The following DIPK1A variants were observed in gnomAD, a reference collection of about 807,000 sequenced individuals.
DIPK1A encodes the protein divergent protein kinase domain 1A, also known as family with sequence similarity 69 member A.
Under a neutral mutation model 40.8 loss-of-function variants are expected in DIPK1A, and 27 were observed. The observed-to-expected ratio is 0.66, with a 90% CI of 0.49 to 0.91. The LOEUF (loss-of-function observed/expected upper bound fraction) is 0.91, where lower values mean the gene tolerates loss of function less well. Ranked by LOEUF, DIPK1A falls within the 40% of genes least tolerant of loss-of-function variation. DIPK1A has a pLI of 0.00. For synonymous variants in DIPK1A, 166 were observed against 171.3 expected (o/e 0.97, Z 0.24); for missense variants, 412 against 505.7 (o/e 0.81, Z 1.78).
intron 1 of DIPK1A, 77 bp downstream of exon 1, chr1:92,961,299 G>T (rs1325647871): frequency 8.9e-7 from 1 of 1,119,550 alleles, no homozygotes; most frequent in East Asian, 3.6e-5. Context: ...GGAGGGGAGC[G>T]GGCGAGTCCT....
At chr1:92,956,982 CA>C (rs1317107259) in intron 1 of DIPK1A, among the ~76,000 whole-genome samples, 1 of 152,162 alleles carries the variant, frequency 6.6e-6, no homozygotes, top group Non-Finnish European at 1.5e-5. Context: ...TTTTCATATG[CA>C]ACAGAACACA....
intron 4 of DIPK1A, chr1:92,836,585 C>T: frequency 1.7e-6 from 1 of 599,794 alleles, no homozygotes. Flanking sequence ...AGTCTGAGGC[C>T]CAGAGTTATT....
At chr1:92,851,887 C>A (rs373745624) in intron 2 of DIPK1A, among the ~76,000 whole-genome samples, 1 of 152,170 alleles carries the variant, frequency 6.6e-6, no homozygotes, top group East Asian at 1.9e-4. Flanking sequence ...TTAAGGGGCA[C>A]AAGCTGTGGG....
chr1:92,913,103 G>C (rs993056296), intron 1 of DIPK1A, among the ~76,000 whole-genome samples: 2 of 151,750 alleles, frequency 1.3e-5, no homozygotes, highest in African/African-American at 4.9e-5. Flanking sequence ...GAAAAAAAAA[G>C]ATAACAGAGT....
chr1:92,851,631 T>C (rs561584022), intron 2 of DIPK1A, among the ~76,000 whole-genome samples: 19 of 151,596 alleles, frequency 1.3e-4, no homozygotes, highest in Non-Finnish European at 2.6e-4. Context: ...TTGTCATCCT[T>C]GAGATCACCC....
At chr1:92,841,918 GC>G, downstream of DIPK1A, 1 of 1,354,656 alleles carries the variant, frequency 7.4e-7, no homozygotes, top group Non-Finnish European at 1.0e-6. Context: ...CTTATGAACA[GC>G]AACTATTTCT....
chr1:92,887,079 G>C (rs1359242981), intron 1 of DIPK1A, among the ~76,000 whole-genome samples: 1 of 151,798 alleles, frequency 6.6e-6, no homozygotes, highest in Non-Finnish European at 1.5e-5. Flanking sequence ...CATGTGACTT[G>C]CTTTAGTCAA....
At chr1:92,940,842 C>T (rs1651123716) in intron 1 of DIPK1A, among the ~76,000 whole-genome samples, 1 of 152,172 alleles carries the variant, frequency 6.6e-6, no homozygotes, top group Non-Finnish European at 1.5e-5. Flanking sequence ...TATCTCATCA[C>T]GGTTTTAATG....
rs61508867 is a variant in DIPK1A, at chr1:92,927,364, G to GTTTTT, written c.54+34007_54+34011dup. On this transcript the variant is annotated intron_variant, in intron 1 of 4. Transcript: ENST00000370310. ...TGCATGCCACCATGCCAATTTTGTT[G>GTTTTT]TTTTTTTTTTTTTTTTTTTTTTTGC... Among the ~76,000 whole-genome samples the GTTTTT allele has an allele frequency of 1.6e-3, 163 of 104,654 alleles. 1 individual carries two copies. Among genetic ancestry groups the GTTTTT allele is most frequent in the African/African-American group, 5.0e-3 (136 of 27,462 alleles). The allele number at this position is 104,654 out of a possible 152,430, so 68.7% of individuals were successfully genotyped here.
intron 1 of DIPK1A, among the ~76,000 whole-genome samples, chr1:92,916,213 T>A (rs1028403614): frequency 2.0e-5 from 3 of 152,140 alleles, no homozygotes; most frequent in Non-Finnish European, 4.4e-5. Context: ...TAAAAATTAC[T>A]GAATTGTGTG....
rs546165896 is a variant in DIPK1A at position 92,854,318 on chromosome 1, A to C, written c.190-3363T>G. On this transcript the variant is annotated intron_variant, in intron 2 of 4. Coordinates refer to ENST00000370310, the MANE Select transcript of DIPK1A (RefSeq NM_001006605.5). ...CCTAATATCCATTAAAAGATAAGAA[A>C]ACAGAAACAGAAATATCTGTTATGT... 2.0e-4 allele frequency among the ~76,000 whole-genome samples: 31 copies of C among 152,334 alleles called. 1 individual carries two copies. Among genetic ancestry groups the C allele is most frequent in the African/African-American group, 7.5e-4 (31 of 41,578 alleles).
At chr1:92,876,085 T>TTTATGTG (rs1243268739) in intron 2 of DIPK1A, among the ~76,000 whole-genome samples, 4 of 151,268 alleles carry the variant, frequency 2.6e-5, no homozygotes, top group Admixed American at 2.6e-4. Context: ...CACTAACTTA[T>TTTATGTG]TTATGTGTTA....
chr1:92,957,743 A>G (rs1651908767), intron 1 of DIPK1A, among the ~76,000 whole-genome samples: 1 of 152,240 alleles, frequency 6.6e-6, no homozygotes, highest in South Asian at 2.1e-4. Flanking sequence ...ATATACTAAT[A>G]ATTCACATAT....
At chr1:92,917,401 A>T (rs1446045648) in intron 1 of DIPK1A, among the ~76,000 whole-genome samples, 1 of 152,182 alleles carries the variant, frequency 6.6e-6, no homozygotes, top group African/African-American at 2.4e-5. Flanking sequence ...GTGTACGAGT[A>T]TGTACACATA....
downstream of DIPK1A, chr1:92,840,395 G>T (rs1166974278): frequency 3.1e-6 from 2 of 646,244 alleles, no homozygotes; most frequent in African/African-American, 3.6e-5. Context: ...TTAGGAAAAG[G>T]TGAGTTACAT....
At chr1:92,943,316 C>T (rs183681520) in intron 1 of DIPK1A, among the ~76,000 whole-genome samples, 1 of 152,294 alleles carries the variant, frequency 6.6e-6, no homozygotes, top group African/African-American at 2.4e-5. Context: ...CTCTACCAGG[C>T]AACCTAAAAG....
chr1:92,869,336 T>A (rs1165206892), intron 2 of DIPK1A, among the ~76,000 whole-genome samples: 2 of 151,942 alleles, frequency 1.3e-5, no homozygotes, highest in African/African-American at 4.8e-5. Context: ...AACTTTTTAT[T>A]TTTTGTAGAG....
intron 4 of DIPK1A, chr1:92,833,690 T>C: frequency 1.3e-6 from 2 of 1,555,506 alleles, no homozygotes; most frequent in Non-Finnish European, 1.8e-6. Flanking sequence ...GTCCCCTTTT[T>C]TTATTGCTAG....
At chr1:92,903,927 T>C (rs919298677) in intron 1 of DIPK1A, among the ~76,000 whole-genome samples, 3 of 152,178 alleles carry the variant, frequency 2.0e-5, no homozygotes, top group Non-Finnish European at 4.4e-5. Context: ...TTCAGTTTGA[T>C]AGTAAAATGT....
Sources: allele counts gnomAD v4.1 joint callset (sites outside exome capture counted in the v4.1 genomes callset), GRCh38; gene constraint gnomAD v4.1.1; transcripts MANE v1.5; gene names NCBI Gene and HGNC (gene_info 2026-07-23, HGNC 2026-07-21).